The following PLA2G6 variants were observed in gnomAD, a reference collection of about 807,000 sequenced individuals.
PLA2G6 encodes the protein 85/88 kDa calcium-independent phospholipase A2.
Under a neutral mutation model 83.8 loss-of-function variants are expected in PLA2G6, and 62 were observed. The observed-to-expected ratio is 0.74, with a 90% CI of 0.60 to 0.91. The LOEUF (loss-of-function observed/expected upper bound fraction) is 0.91. PLA2G6 is among the 40% of genes least tolerant of loss of function. PLA2G6 has a pLI of 0.00. For synonymous variants in PLA2G6, 417 were observed against 449.8 expected (o/e 0.93, Z 0.92); for missense variants, 944 against 1,102.0 (o/e 0.86, Z 2.03).
intron 2 of PLA2G6, among the ~76,000 whole-genome samples, chr22:38,155,418 T>A (rs186802405): frequency 6.6e-6 from 1 of 152,286 alleles, no homozygotes; most frequent in African/African-American, 2.4e-5. Flanking sequence ...AACACTGTCA[T>A]ATGTAGACCA....
At chr22:38,179,162 G>C (rs897083389) in intron 1 of PLA2G6, among the ~76,000 whole-genome samples, 1 of 152,194 alleles carries the variant, frequency 6.6e-6, no homozygotes, top group Non-Finnish European at 1.5e-5. Flanking sequence ...CAAAGAGAGC[G>C]TGTGCAAAGG....
chr22:38,113,370 G>A (rs556570519), intron 15 of PLA2G6, 117 bp downstream of exon 15: 48 of 1,015,970 alleles, frequency 4.7e-5, no homozygotes, highest in South Asian at 1.7e-4. Flanking sequence ...GGCTAAAGGC[G>A]ATGGACAGAG....
chr22:38,179,655 T>C (rs1382527146), intron 1 of PLA2G6, among the ~76,000 whole-genome samples: 2 of 152,154 alleles, frequency 1.3e-5, no homozygotes, highest in African/African-American at 4.8e-5. Flanking sequence ...TGATGGCGCA[T>C]GCTTGTAATC....
Position 38,120,854 on chromosome 22 carries a change from G to A in PLA2G6, c.1647C>T (p.Phe549=), listed in dbSNP as rs2087484376. 6.2e-7 allele frequency: 1 copy of A among 1,613,912 alleles called. No individual in the cohort carries two copies. Residue 549 remains phenylalanine, a synonymous_variant, in exon 12 of 17, where the codon TTC becomes TTT. Transcript: ENST00000332509. ...CCGACTCGTAGGGCCTGGAGCCCCG[G>A]AACACCTCATCCTTCATGCGAAAGT... ...GMYFRMKDEV[F]RGSRPYESGP... is the part of the protein sequence containing the mutation.
chr22:38,163,983 C>T (rs1400536275), intron 2 of PLA2G6, among the ~76,000 whole-genome samples: 1 of 152,172 alleles, frequency 6.6e-6, no homozygotes, highest in Non-Finnish European at 1.5e-5. Flanking sequence ...ACAGATCACA[C>T]ACTTCTATCA....
At chr22:38,121,314 T>C (rs1345372458) in intron 11 of PLA2G6, among the ~76,000 whole-genome samples, 1 of 151,916 alleles carries the variant, frequency 6.6e-6, no homozygotes, top group African/African-American at 2.4e-5. Context: ...GGAGCGGAGG[T>C]TGCAGTGAGC....
In PLA2G6 at chr22:38,145,723, G is replaced by A; in HGVS notation, c.210-70C>T. 2.9e-6 allele frequency: 3 copies of A among 1,035,608 alleles called. No individual in the cohort carries two copies. In the South Asian group the frequency reaches 4.0e-5, roughly 14 times the overall value. The allele number at this position is 1,035,608 out of a possible 1,614,324, so 64.2% of individuals were successfully genotyped here. On this transcript the variant is annotated intron_variant, in intron 2 of 16. Coordinates refer to ENST00000332509, the MANE Select transcript of PLA2G6 (RefSeq NM_003560.4). ...GGGACCCTCGGCCCACATCCCTGCTGGAATCAGAAGGTCCCCAGGCTGCGG... is the reference window on the plus strand; with the variant it reads ...GGGACCCTCGGCCCACATCCCTGCTAGAATCAGAAGGTCCCCAGGCTGCGG...
chr22:38,160,771 G>T (rs2089978076), intron 2 of PLA2G6, among the ~76,000 whole-genome samples: 1 of 152,150 alleles, frequency 6.6e-6, no homozygotes, highest in South Asian at 2.1e-4. Flanking sequence ...CGTGAACCCA[G>T]GAGGCAGAGC....
intron 2 of PLA2G6, among the ~76,000 whole-genome samples, chr22:38,157,539 C>G (rs901264239): frequency 2.6e-5 from 4 of 152,100 alleles, no homozygotes; most frequent in African/African-American, 9.7e-5. Flanking sequence ...TAAACAAAAA[C>G]TAATACCAAC....
intron 12 of PLA2G6, among the ~76,000 whole-genome samples, chr22:38,119,205 AG>A (rs1199640486): frequency 6.6e-6 from 1 of 152,144 alleles, no homozygotes; most frequent in Non-Finnish European, 1.5e-5. Context: ...CTCACCACAC[AG>A]CGGTAGTTTT....
rs968832533 is a variant in PLA2G6, at chr22:38,145,032, C to CTT, written c.425+404_425+405dup. 812 of 192,410 alleles carry CTT rather than the reference C, an allele frequency of 4.2e-3. 1 individual carries two copies. Among genetic ancestry groups the CTT allele is most frequent in the South Asian group, 8.4e-3 (149 of 17,748 alleles). 11.9% of individuals were successfully genotyped at this position (192,410 alleles called of 1,614,324 possible). ...TTTTAATCTGGTAGCAACGCAGCAC[C>CTT]TTTTTTTTTTTTTTTTTTTTTTTCC... On this transcript the variant is annotated intron_variant, in intron 3 of 16. Transcript: ENST00000332509.
chr22:38,172,411 G>A (rs975723737), intron 1 of PLA2G6, among the ~76,000 whole-genome samples: 1 of 152,162 alleles, frequency 6.6e-6, no homozygotes, highest in Non-Finnish European at 1.5e-5. Context: ...AAATTTAACT[G>A]AGTAAATATT....
In PLA2G6 at chr22:38,123,961, G is replaced by A. The variant is rs561020908; in HGVS notation, c.1428-703C>T. On this transcript the variant is annotated intron_variant, in intron 10 of 16. Transcript: ENST00000332509. The surrounding 1 kb of genome is among the most constrained non-coding windows in gnomAD (Gnocchi z 4.1). Reference sequence around the variant, plus strand: ...AACGATTCTCCTGCCTCAACCTCCCGAGTAGCTGGGATCACAGGTGCCCGC... The same window carrying A: ...AACGATTCTCCTGCCTCAACCTCCCAAGTAGCTGGGATCACAGGTGCCCGC... Among the ~76,000 whole-genome samples the A allele has an allele frequency of 3.9e-5, 6 of 152,112 alleles. No individual in the cohort carries two copies. In the South Asian group the frequency reaches 6.2e-4, roughly 16 times the overall value.
At chr22:38,169,697 C>A (rs132989) in intron 1 of PLA2G6, among the ~76,000 whole-genome samples, 1 of 152,182 alleles carries the variant, frequency 6.6e-6, no homozygotes, top group Non-Finnish European at 1.5e-5. Flanking sequence ...AGAAGGCTGT[C>A]CCCCTGTGCT....
chr22:38,121,756 C>T lies in PLA2G6; in HGVS notation c.1592-847G>A, dbSNP rs77717364. Among the ~76,000 whole-genome samples, 635 of 152,288 alleles carry T rather than the reference C, an allele frequency of 4.2e-3. 3 individuals carry two copies. Among genetic ancestry groups the T allele is most frequent in the Middle Eastern group, 0.024 (7 of 294 alleles). ...GGAAGAAATGGTCCCTGAAGAAGGA[C>T]GTGGCCCTTTTGGAGAAGAAGCTAG... On this transcript the variant is annotated intron_variant, in intron 11 of 16. Coordinates refer to ENST00000332509, the MANE Select transcript of PLA2G6 (RefSeq NM_003560.4).
At chr22:38,152,201 T>C (rs1163634171) in intron 2 of PLA2G6, among the ~76,000 whole-genome samples, 5 of 152,174 alleles carry the variant, frequency 3.3e-5, no homozygotes, top group East Asian at 1.9e-4. Flanking sequence ...AAGAACTGGT[T>C]GTTAAAAAGA....
intron 13 of PLA2G6, 151 bp from the exon 14 acceptor site, chr22:38,115,832 C>T: frequency 3.4e-6 from 5 of 1,475,848 alleles, no homozygotes; most frequent in Non-Finnish European, 3.6e-6. Context: ...CGAAGCCACA[C>T]TCTCTGGCTA....
chr22:38,159,334 C>T (rs117686435), intron 2 of PLA2G6, among the ~76,000 whole-genome samples: 3 of 152,196 alleles, frequency 2.0e-5, no homozygotes, highest in East Asian at 3.9e-4. Flanking sequence ...TCTCATAGTC[C>T]TATATTTGTT....
Position 38,133,178 on chromosome 22 carries a change from T to A in PLA2G6, c.895-165A>T, listed in dbSNP as rs536917182. 1.3e-5 allele frequency: 9 copies of A among 666,824 alleles called. No individual in the cohort carries two copies. In the South Asian group the frequency reaches 1.6e-4, roughly 12 times the overall value. 41.3% of individuals were successfully genotyped at this position (666,824 alleles called of 1,614,324 possible). A position where few individuals can be genotyped will look rare whatever the true frequency, so the allele number is the denominator to read the frequency against. On this transcript the variant is annotated intron_variant, in intron 6 of 16. Transcript: ENST00000332509. ...GGCAGGCCCCAGTTCTAGGGGGGCCTAGACTGCCTCCCATCCCATCAGCAT... is the reference window on the plus strand; with the variant it reads ...GGCAGGCCCCAGTTCTAGGGGGGCCAAGACTGCCTCCCATCCCATCAGCAT...
Sources: allele counts gnomAD v4.1 joint callset (sites outside exome capture counted in the v4.1 genomes callset), GRCh38; gene constraint gnomAD v4.1.1; non-coding constraint Gnocchi (gnomAD v3.1); transcripts MANE v1.5; gene names NCBI Gene and HGNC (gene_info 2026-07-23, HGNC 2026-07-21).